The following SORCS3 variants were observed in gnomAD, a reference collection of about 807,000 sequenced individuals.
The protein encoded by SORCS3 is sortilin related VPS10 domain containing receptor 3.
A neutral mutation model predicts 146.3 loss-of-function variants in SORCS3; 57 were observed. That is an observed-to-expected ratio of 0.39 (90% CI 0.31 to 0.49). SORCS3 has a LOEUF of 0.49. SORCS3 is among the 20% of genes least tolerant of loss of function. SORCS3 has a pLI of 0.92. For synonymous variants in SORCS3, 653 were observed against 618.5 expected, an observed-to-expected ratio of 1.06 and a Z score of -0.83; for missense variants, 1,341 against 1,575.5, an observed-to-expected ratio of 0.85 and a Z score of 2.52.
intron 14 of SORCS3, among the ~76,000 whole-genome samples, chr10:105,181,746 T>C (rs1196419883): frequency 1.3e-5 from 2 of 152,216 alleles, no homozygotes; most frequent in Non-Finnish European, 2.9e-5. Flanking sequence ...TTCTTATTAC[T>C]TAAGGCTGAG....
At chr10:104,966,770 A>G (rs1481110418) in intron 3 of SORCS3, among the ~76,000 whole-genome samples, 1 of 152,170 alleles carries the variant, frequency 6.6e-6, no homozygotes, top group Middle Eastern at 3.2e-3. Context: ...TGACATCTCC[A>G]ATACTAATGT....
Position 104,641,544 on chromosome 10 carries a change from G to A in SORCS3, c.217G>A (p.Ala73Thr). ...AVASQWPEELASARRAAVLGR... is the reference protein window; with the variant it reads ...AVASQWPEELTSARRAAVLGR... ...GGCCAGCCAGTGGCCGGAGGAGCTG[G>A]CGTCGGCGCGGAGAGCCGCCGTGCT... The change falls in exon 1 of 27, where the codon GCG (alanine) becomes ACG (threonine). Residue 73 changes from alanine to threonine, a missense_variant. Coordinates refer to ENST00000369701, the MANE Select transcript of SORCS3 (RefSeq NM_014978.3). The surrounding 1 kb of genome is among the most constrained non-coding windows in gnomAD (Gnocchi z 6.4). 6.8e-7 allele frequency: 1 copy of A among 1,472,018 alleles called. No homozygotes were observed. The allele number at this position is 1,472,018 out of a possible 1,614,324, so 91.2% of individuals were successfully genotyped here.
intron 1 of SORCS3, among the ~76,000 whole-genome samples, chr10:104,799,213 T>G (rs1003858251): frequency 3.3e-5 from 5 of 152,198 alleles, no homozygotes; most frequent in Admixed American, 6.5e-5. Flanking sequence ...CAAAGGATTA[T>G]AAATCATTCT....
At chr10:105,067,685 A>G (rs2055531103) in intron 5 of SORCS3, among the ~76,000 whole-genome samples, 1 of 152,100 alleles carries the variant, frequency 6.6e-6, no homozygotes, top group Admixed American at 6.5e-5. Context: ...TTCCTCCACC[A>G]CTACTTCCTT....
At chr10:105,165,133 C>G (rs573697840) in intron 12 of SORCS3, among the ~76,000 whole-genome samples, 168 of 152,220 alleles carry the variant, frequency 1.1e-3, no homozygotes, top group Non-Finnish European at 1.9e-3. Context: ...TATACAGTGT[C>G]AACTAGGTGT....
chr10:105,242,192 A>T (rs563391810), intron 20 of SORCS3, among the ~76,000 whole-genome samples: 1 of 148,838 alleles, frequency 6.7e-6, no homozygotes, highest in East Asian at 2.0e-4. Context: ...CCAAAATTAT[A>T]TGAGTCCTAA....
intron 7 of SORCS3, among the ~76,000 whole-genome samples, chr10:105,107,004 T>A (rs1018359066): frequency 2.0e-5 from 3 of 152,026 alleles, no homozygotes; most frequent in African/African-American, 4.8e-5. Flanking sequence ...ATTTCCAAGG[T>A]TTGATGACTT....
At position 104,658,221 on chromosome 10, in the gene SORCS3, A is replaced by T. The variant is rs142867125; in HGVS notation, c.627+16267A>T. On this transcript the variant is annotated intron_variant, in intron 1 of 26. Transcript: ENST00000369701. ...ATATGCTTCTTCCAAACCGGTTTGCAGTGGCAGATTGAGGGATGCTGAAAG... is the reference window on the plus strand; with the variant it reads ...ATATGCTTCTTCCAAACCGGTTTGCTGTGGCAGATTGAGGGATGCTGAAAG... 2.8e-4 allele frequency among the ~76,000 whole-genome samples: 42 copies of T among 152,296 alleles called. 1 individual carries two copies. Among genetic ancestry groups the T allele is most frequent in the African/African-American group, 9.9e-4 (41 of 41,566 alleles).
chr10:104,804,969 A>G (rs1363006914), intron 1 of SORCS3, among the ~76,000 whole-genome samples: 1 of 152,194 alleles, frequency 6.6e-6, no homozygotes, highest in Non-Finnish European at 1.5e-5. Flanking sequence ...TGGAGTTTAG[A>G]TAAGTAGATC....
At chr10:104,645,136 G>C (rs1444911875) in intron 1 of SORCS3, among the ~76,000 whole-genome samples, 2 of 152,182 alleles carry the variant, frequency 1.3e-5, no homozygotes, top group South Asian at 2.1e-4. Flanking sequence ...TGACCATGTT[G>C]CCTGCCAGGT....
chr10:104,701,418 C>T lies in SORCS3; in HGVS notation c.627+59464C>T, dbSNP rs2016278221. On this transcript the variant is annotated intron_variant, in intron 1 of 26. Coordinates refer to ENST00000369701, the MANE Select transcript of SORCS3 (RefSeq NM_014978.3). Reference sequence around the variant, plus strand: ...ATTACAAATCAGTTTTCTTAACAATCGGTCTTTGTCTTTTCTGATTCTAGT... The same window carrying T: ...ATTACAAATCAGTTTTCTTAACAATTGGTCTTTGTCTTTTCTGATTCTAGT... 2.0e-5 allele frequency among the ~76,000 whole-genome samples: 3 copies of T among 152,150 alleles called. No individual in the cohort carries two copies. In the South Asian group the frequency reaches 6.2e-4, roughly 32 times the overall value.
At chr10:104,717,384 G>A (rs2016492651) in intron 1 of SORCS3, among the ~76,000 whole-genome samples, 1 of 150,972 alleles carries the variant, frequency 6.6e-6, no homozygotes, top group African/African-American at 2.4e-5. Context: ...ACCTCCTTCA[G>A]GTTTCCTTCT....
At chr10:104,735,181 G>A (rs748348801) in intron 1 of SORCS3, among the ~76,000 whole-genome samples, 1 of 152,102 alleles carries the variant, frequency 6.6e-6, no homozygotes, top group African/African-American at 2.4e-5. Flanking sequence ...GGTGACTGTC[G>A]GCTGGGCAGG....
chr10:105,004,893 T>C (rs924493591), intron 4 of SORCS3, among the ~76,000 whole-genome samples: 28 of 152,148 alleles, frequency 1.8e-4, no homozygotes, highest in Non-Finnish European at 7.4e-5. Flanking sequence ...CCATTCATAA[T>C]CAGCTCCTCT....
intron 9 of SORCS3, among the ~76,000 whole-genome samples, chr10:105,155,613 G>A (rs1342275189): frequency 2.0e-5 from 3 of 152,182 alleles, no homozygotes; most frequent in Non-Finnish European, 2.9e-5. Context: ...TGGTTTTAAA[G>A]ACTGAGGTGA....
intron 4 of SORCS3, among the ~76,000 whole-genome samples, chr10:104,990,454 A>C (rs544849551): frequency 3.3e-5 from 5 of 152,196 alleles, no homozygotes; most frequent in African/African-American, 1.2e-4. Flanking sequence ...AGTTGTGCCA[A>C]ATATTATGTG....
chr10:104,843,017 G>A (rs997669860), intron 2 of SORCS3, among the ~76,000 whole-genome samples, 158 bp downstream of exon 2: 1 of 152,324 alleles, frequency 6.6e-6, no homozygotes, highest in East Asian at 1.9e-4. Context: ...GCCCCCACCT[G>A]TGAATTCCTT....
intron 1 of SORCS3, among the ~76,000 whole-genome samples, chr10:104,792,793 AT>A (rs1315262467): frequency 1.3e-5 from 2 of 151,396 alleles, no homozygotes; most frequent in East Asian, 1.9e-4. Context: ...TATCAAACTT[AT>A]TTTTTTTCAC....
chr10:104,768,343 T>G (rs957271173), intron 1 of SORCS3, among the ~76,000 whole-genome samples: 4 of 152,210 alleles, frequency 2.6e-5, no homozygotes, highest in African/African-American at 9.6e-5. Flanking sequence ...TGGATTGGAA[T>G]TCAGTATTAA....
Sources: allele counts gnomAD v4.1 joint callset (sites outside exome capture counted in the v4.1 genomes callset), GRCh38; gene constraint gnomAD v4.1.1; non-coding constraint Gnocchi (gnomAD v3.1); transcripts MANE v1.5; gene names NCBI Gene and HGNC (gene_info 2026-07-23, HGNC 2026-07-21).